Variants in PRICKLE2 observed in about 807,000 individuals in gnomAD.
The protein encoded by PRICKLE2 is prickle planar cell polarity protein 2, also known as prickle-like protein 2.
In PRICKLE2, 21 loss-of-function variants were observed where a neutral mutation model predicts 81.4. That is an observed-to-expected ratio of 0.26 (90% CI 0.18 to 0.37). The LOEUF (loss-of-function observed/expected upper bound fraction) is 0.37, where lower values mean the gene tolerates loss of function less well. Among genes scored for constraint, PRICKLE2 ranks in the 10% least tolerant of loss-of-function variants. The pLI is 1.00. For missense variants in PRICKLE2, 940 were observed against 1,109.0 expected (o/e 0.85, Z 2.16); for synonymous variants, 456 against 421.5 (o/e 1.08, Z -1.00).
chr3:64,252,176 A>G (rs1268472314), intron 2 of PRICKLE2, among the ~76,000 whole-genome samples: 5 of 152,240 alleles, frequency 3.3e-5, no homozygotes, highest in African/African-American at 1.2e-4. Context: ...TGGGAAGATT[A>G]AATGAAGTGC....
chr3:64,150,516 T>G (rs896822428), intron 6 of PRICKLE2, among the ~76,000 whole-genome samples: 4 of 152,150 alleles, frequency 2.6e-5, no homozygotes, highest in Non-Finnish European at 5.9e-5. Flanking sequence ...GGCTGCTCTG[T>G]CTCTCCTGCC....
chr3:64,255,759 T>A (rs766566811), intron 2 of PRICKLE2, among the ~76,000 whole-genome samples: 7 of 152,338 alleles, frequency 4.6e-5, no homozygotes, highest in Non-Finnish European at 8.8e-5. Context: ...ACAACCGCAT[T>A]TCTCAGCCTC....
chr3:64,251,122 A>G (rs758535889), intron 2 of PRICKLE2, among the ~76,000 whole-genome samples: 3 of 152,192 alleles, frequency 2.0e-5, no homozygotes, highest in Non-Finnish European at 4.4e-5. Context: ...GATTAAATGA[A>G]TCAATCAATC....
At chr3:64,157,045 G>A (rs1233305721) in intron 5 of PRICKLE2, 117 bp downstream of exon 5, 9 of 953,290 alleles carry the variant, frequency 9.4e-6, no homozygotes, top group Non-Finnish European at 1.4e-5. Context: ...AAGGGTTAAT[G>A]CAAGAAAATG....
At chr3:64,121,549 A>G (rs2077028189) in intron 7 of PRICKLE2, among the ~76,000 whole-genome samples, 2 of 152,010 alleles carry the variant, frequency 1.3e-5, no homozygotes, top group African/African-American at 4.8e-5. Flanking sequence ...AAGAAAAAAA[A>G]AAAATCAGTG....
intron 2 of PRICKLE2, among the ~76,000 whole-genome samples, chr3:64,241,208 T>C (rs2079260324): frequency 6.6e-6 from 1 of 152,212 alleles, no homozygotes; most frequent in African/African-American, 2.4e-5. Flanking sequence ...CCCAACTCTC[T>C]ACCTATACAA....
chr3:64,116,928 C>T (rs1236556741), intron 7 of PRICKLE2, among the ~76,000 whole-genome samples: 1 of 152,176 alleles, frequency 6.6e-6, no homozygotes, highest in East Asian at 1.9e-4. Context: ...CCTTGATGAA[C>T]ATTGATGCAA....
chr3:64,145,102 T>G (rs2077424625), intron 7 of PRICKLE2, among the ~76,000 whole-genome samples: 2 of 148,254 alleles, frequency 1.3e-5, no homozygotes. Context: ...ATTAAATTTT[T>G]TTTTTTTTTT....
intron 2 of PRICKLE2, among the ~76,000 whole-genome samples, chr3:64,185,085 C>T (rs1036162801): frequency 6.6e-6 from 1 of 152,164 alleles, no homozygotes; most frequent in African/African-American, 2.4e-5. Flanking sequence ...TTAGGGCCTA[C>T]ATGTTAGATA....
At chr3:64,239,349 G>C (rs1447801155) in intron 2 of PRICKLE2, among the ~76,000 whole-genome samples, 1 of 152,184 alleles carries the variant, frequency 6.6e-6, no homozygotes, top group Non-Finnish European at 1.5e-5. Flanking sequence ...ACACAGAGGA[G>C]GTTCAGCTCG....
chr3:64,151,491 C>G (rs1387133000), intron 6 of PRICKLE2, among the ~76,000 whole-genome samples: 2 of 152,166 alleles, frequency 1.3e-5, no homozygotes, highest in Non-Finnish European at 2.9e-5. Context: ...TTCTCTCTGC[C>G]AAGTACTGAG....
At chr3:64,239,873 G>A (rs1469185521) in intron 2 of PRICKLE2, among the ~76,000 whole-genome samples, 2 of 150,180 alleles carry the variant, frequency 1.3e-5, no homozygotes, top group African/African-American at 4.9e-5. Context: ...CCAGTACATT[G>A]GGAGGCCAAG....
chr3:64,155,014 T>C (rs2077607056), intron 5 of PRICKLE2: 1 of 151,804 alleles, frequency 6.6e-6, no homozygotes, highest in African/African-American at 2.4e-5. Flanking sequence ...CTGGGCATGG[T>C]GGTGCATGCT....
At chr3:64,131,689 A>C (rs1411302837) in intron 7 of PRICKLE2, among the ~76,000 whole-genome samples, 1 of 152,252 alleles carries the variant, frequency 6.6e-6, no homozygotes, top group Non-Finnish European at 1.5e-5. Flanking sequence ...AAGCTATAGC[A>C]ATAGAAAGAA....
intron 1 of PRICKLE2, among the ~76,000 whole-genome samples, chr3:64,223,401 C>A (rs141157507): frequency 1.9e-3 from 292 of 152,286 alleles, no homozygotes; most frequent in African/African-American, 6.8e-3. Flanking sequence ...AGTCTGAGCC[C>A]TGGATAAATA....
chr3:64,166,771 T>C (rs934065095), intron 2 of PRICKLE2, among the ~76,000 whole-genome samples: 1 of 152,228 alleles, frequency 6.6e-6, no homozygotes, highest in Non-Finnish European at 1.5e-5. Context: ...TGGTAGGTGA[T>C]GTGGCTTGCT....
intron 2 of PRICKLE2, among the ~76,000 whole-genome samples, chr3:64,197,621 T>G (rs1361417759): frequency 6.6e-6 from 1 of 152,172 alleles, no homozygotes; most frequent in Admixed American, 6.5e-5. Context: ...AAATACTGCA[T>G]GTTCTCATGC....
At chr3:64,168,011 C>T (rs1463098994) in intron 2 of PRICKLE2, among the ~76,000 whole-genome samples, 2 of 152,060 alleles carry the variant, frequency 1.3e-5, no homozygotes, top group African/African-American at 4.8e-5. Context: ...TCTAGGAAGC[C>T]CAGAAAAGGG....
At chr3:64,141,327 C>T (rs2077357969) in intron 7 of PRICKLE2, among the ~76,000 whole-genome samples, 1 of 152,190 alleles carries the variant, frequency 6.6e-6, no homozygotes, top group Admixed American at 6.5e-5. Flanking sequence ...CCTCTCAGTG[C>T]CTCATGTACA....
Sources: allele counts gnomAD v4.1 joint callset (sites outside exome capture counted in the v4.1 genomes callset), GRCh38; gene constraint gnomAD v4.1.1; transcripts MANE v1.5; gene names NCBI Gene and HGNC (gene_info 2026-07-23, HGNC 2026-07-21).